CFAP300: variants seen among roughly 807,000 people sequenced by gnomAD.
The protein encoded by CFAP300 is cilia and flagella associated protein 300.
CFAP300 carries 32 observed loss-of-function variants against 33.0 expected under a neutral mutation model. That is an observed-to-expected ratio of 0.97 (90% CI 0.73 to 1.30). The LOEUF (loss-of-function observed/expected upper bound fraction) is 1.30. CFAP300 is among the 50% of genes most tolerant of loss of function. The pLI, the probability that CFAP300 is intolerant of heterozygous loss-of-function variation, is 0.00. For synonymous variants in CFAP300, 102 were observed against 106.8 expected, an observed-to-expected ratio of 0.95 and a Z score of 0.28; for missense variants, 356 against 318.1, an observed-to-expected ratio of 1.12 and a Z score of -0.90.
intron 2 of CFAP300, among the ~76,000 whole-genome samples, chr11:102,055,003 CAG>C (rs1464844684): frequency 1.4e-5 from 2 of 145,770 alleles, no homozygotes; most frequent in African/African-American, 5.1e-5. Context: ...TTTTTGAAGA[CAG>C]AGTCTCTCTC....
At chr11:102,075,365 GC>G (rs1252486902) in intron 4 of CFAP300, among the ~76,000 whole-genome samples, 1 of 152,142 alleles carries the variant, frequency 6.6e-6, no homozygotes, top group Non-Finnish European at 1.5e-5. Context: ...GAGCAGGAAA[GC>G]GAGAGCTGGA....
In CFAP300 at chr11:102,047,813, A is replaced by G. The variant is rs1490661050; in HGVS notation, c.111-2A>G. ...TGATTTCTTTTTCCTCCTCTGCCCC[A>G]GGTCCATGCTGGGCAGAATCAAGGC... On this transcript the variant is annotated splice_acceptor_variant, in intron 1 of 6. Coordinates refer to ENST00000434758, the MANE Select transcript of CFAP300 (RefSeq NM_032930.3). LOFTEE classifies it high-confidence loss of function. The G allele has an allele frequency of 1.2e-6, 2 of 1,613,842 alleles. No homozygotes were observed. Among genetic ancestry groups the G allele is most frequent in the Non-Finnish European group, 1.7e-6 (2 of 1,179,964 alleles).
At position 102,084,316 on chromosome 11, in the gene CFAP300, T is replaced by G. The variant is rs143420697; in HGVS notation, c.*1117T>G. 83 of 152,334 alleles carry G rather than the reference T, an allele frequency of 5.4e-4. No homozygotes were observed. Among genetic ancestry groups the G allele is most frequent in the African/African-American group, 1.9e-3 (80 of 41,580 alleles). 9.4% of individuals were successfully genotyped at this position (152,334 alleles called of 1,614,324 possible). On this transcript the variant is annotated 3_prime_UTR_variant, in exon 7 of 7. Coordinates refer to ENST00000434758, the MANE Select transcript of CFAP300 (RefSeq NM_032930.3). ...TGTTGAGGTTTGAGGAGGAGCAAGT[T>G]TGAAAGATGTGTTTCTGTGTTGTGG...
chr11:102,048,376 G>A (rs950584277), intron 2 of CFAP300, among the ~76,000 whole-genome samples: 3 of 150,268 alleles, frequency 2.0e-5, no homozygotes, highest in South Asian at 2.1e-4. Context: ...AGGCCACCAC[G>A]TCCAGCTAAT....
chr11:102,077,911 G>A (rs1297891154), intron 5 of CFAP300, among the ~76,000 whole-genome samples: 1 of 151,250 alleles, frequency 6.6e-6, no homozygotes, highest in African/African-American at 2.4e-5. Context: ...TTTTTTTTGA[G>A]ACAGGGTCTC....
chr11:102,063,306 A>G lies in CFAP300; in HGVS notation c.269-3179A>G, dbSNP rs564967536. Among the ~76,000 whole-genome samples, 5 of 152,314 alleles carry G rather than the reference A, an allele frequency of 3.3e-5. No homozygotes were observed. The East Asian group carries it at 9.6e-4, about 29-fold the overall frequency. Reference sequence around the variant, plus strand: ...TTTCTACGTTAAGGGCTTGCTTGACACCTGTCACCCCTTTCTTATTTCCTG... The same window carrying G: ...TTTCTACGTTAAGGGCTTGCTTGACGCCTGTCACCCCTTTCTTATTTCCTG... On this transcript the variant is annotated intron_variant, in intron 3 of 6. Transcript: ENST00000434758.
chr11:102,073,112 G>A (rs1450460244), intron 4 of CFAP300, among the ~76,000 whole-genome samples: 5 of 152,172 alleles, frequency 3.3e-5, no homozygotes, highest in Admixed American at 6.5e-5. Context: ...GGGCCTCCAC[G>A]CAGCTTGCTC....
intron 5 of CFAP300, among the ~76,000 whole-genome samples, chr11:102,079,431 T>C (rs1313497756): frequency 6.6e-6 from 1 of 152,222 alleles, no homozygotes; most frequent in Non-Finnish European, 1.5e-5. Context: ...ACCTATGTCA[T>C]AGAAATATTT....
intron 3 of CFAP300, among the ~76,000 whole-genome samples, chr11:102,060,260 A>G (rs1001176991): frequency 6.7e-6 from 1 of 148,574 alleles, no homozygotes; most frequent in African/African-American, 2.5e-5. Flanking sequence ...GGCGTGAACC[A>G]CCACGCTCAG....
chr11:102,081,283 T>C lies in CFAP300; in HGVS notation c.675+2T>C. On this transcript the variant is annotated splice_donor_variant, in intron 6 of 6. Coordinates refer to ENST00000434758, the MANE Select transcript of CFAP300 (RefSeq NM_032930.3). LOFTEE classifies it high-confidence loss of function. ...TCTGTCTTTAAAGTTTCAGCTTATGTAAGTGTGAGAGAACTTTTGCAACCA... is the reference window on the plus strand; with the variant it reads ...TCTGTCTTTAAAGTTTCAGCTTATGCAAGTGTGAGAGAACTTTTGCAACCA... The C allele has an allele frequency of 1.2e-6, 2 of 1,611,264 alleles. No individual in the cohort carries two copies. Among genetic ancestry groups the C allele is most frequent in the East Asian group, 2.2e-5 (1 of 44,814 alleles).
intron 5 of CFAP300, 143 bp downstream of exon 5, chr11:102,076,188 A>G (rs995881611): frequency 9.1e-6 from 7 of 768,764 alleles, no homozygotes; most frequent in African/African-American, 1.9e-5. Context: ...CCCCCCTCTC[A>G]TAACCTTCCC....
intron 6 of CFAP300, chr11:102,081,577 C>A: frequency 2.2e-6 from 1 of 450,060 alleles, no homozygotes; most frequent in Non-Finnish European, 3.9e-6. Context: ...GTCAAACCAT[C>A]ATTTATAGGG....
At chr11:102,055,520 G>A (rs1368962127) in intron 2 of CFAP300, among the ~76,000 whole-genome samples, 1 of 150,908 alleles carries the variant, frequency 6.6e-6, no homozygotes, top group East Asian at 2.0e-4. Context: ...ACTGTGCCAA[G>A]CTAATTTTTT....
chr11:102,057,650 A>G (rs1942080415), intron 2 of CFAP300, among the ~76,000 whole-genome samples: 2 of 152,202 alleles, frequency 1.3e-5, no homozygotes, highest in Non-Finnish European at 2.9e-5. Flanking sequence ...AATGCAAGGA[A>G]CTCCCTTGCA....
At position 102,083,311 on chromosome 11, in the gene CFAP300, AG is replaced by A; in HGVS notation, c.*113del. On this transcript the variant is annotated 3_prime_UTR_variant, in exon 7 of 7. Transcript: ENST00000434758. ...AAATTAATTCAAGAAAAATGTAAGG[AG>A]CCTACTTAGAGCAGAAGAAAGCAAA... 1.1e-6 allele frequency: 1 copy of A among 870,166 alleles called. No individual in the cohort carries two copies. The highest frequency in any genetic ancestry group is 1.5e-6 in the Non-Finnish European group (1 of 655,078). 53.9% of individuals were successfully genotyped at this position (870,166 alleles called of 1,614,324 possible). A position where few individuals can be genotyped will look rare whatever the true frequency, so the allele number is the denominator to read the frequency against.
intron 2 of CFAP300, among the ~76,000 whole-genome samples, chr11:102,051,252 C>G (rs936192187): frequency 1.4e-4 from 21 of 152,144 alleles, no homozygotes; most frequent in African/African-American, 5.1e-4. Context: ...TAACATTTAA[C>G]TTTGAATTTC....
At position 102,047,864 on chromosome 11, in the gene CFAP300, T is replaced by C. The variant is rs1428832391; in HGVS notation, c.160T>C (p.Phe54Leu). The C allele has an allele frequency of 5.6e-6, 9 of 1,614,050 alleles. No homozygotes were observed. In the South Asian group the frequency reaches 7.7e-5, roughly 14 times the overall value. Residue 54 changes from phenylalanine to leucine, a missense_variant, in exon 2 of 7, where the codon TTT becomes CTT. Coordinates refer to ENST00000434758, the MANE Select transcript of CFAP300 (RefSeq NM_032930.3). ...KAQAFGFDQTFQSYRKDDFVM... is the reference protein window; with the variant it reads ...KAQAFGFDQTLQSYRKDDFVM... The stretch of plus-strand genomic sequence containing the variant: ...GCAGGCGTTCGGCTTTGACCAGACC[T>C]TTCAGTCCTATCGGAAGGATGATTT...
At chr11:102,053,922 T>A (rs1470480295) in intron 2 of CFAP300, among the ~76,000 whole-genome samples, 1 of 152,230 alleles carries the variant, frequency 6.6e-6, no homozygotes, top group East Asian at 1.9e-4. Flanking sequence ...TGTATCATCC[T>A]TTCTCACCTT....
chr11:102,060,494 A>C (rs1942134178), intron 3 of CFAP300, among the ~76,000 whole-genome samples: 1 of 152,024 alleles, frequency 6.6e-6, no homozygotes, highest in African/African-American at 2.4e-5. Flanking sequence ...TTACCCAAAC[A>C]CTTAAACACT....
Sources: gnomAD v4.1 joint callset for allele counts (sites outside exome capture counted in the v4.1 genomes callset) on GRCh38, gnomAD v4.1.1 for gene constraint, MANE v1.5 for transcripts, NCBI Gene and HGNC (gene_info 2026-07-23, HGNC 2026-07-21) for gene names.